Variants in SLX4 observed in about 807,000 individuals in gnomAD.
SLX4 encodes the protein SLX4 structure-specific endonuclease subunit, also known as structure-specific endonuclease subunit SLX4.
In SLX4, 112 loss-of-function variants were observed where a neutral mutation model predicts 146.2. The ratio of observed to expected loss-of-function variants is 0.77; its 90% CI spans 0.66 to 0.90. The LOEUF is 0.90. Ranked by LOEUF, SLX4 falls within the 40% of genes least tolerant of loss-of-function variation. The pLI is 0.00. For synonymous variants in SLX4, 1,061 were observed against 997.7 expected, an observed-to-expected ratio of 1.06 and a Z score of -1.20; for missense variants, 2,563 against 2,392.7, an observed-to-expected ratio of 1.07 and a Z score of -1.49.
chr16:3,603,912 A>T (rs2040755713), intron 3 of SLX4, among the ~76,000 whole-genome samples: 1 of 152,146 alleles, frequency 6.6e-6, no homozygotes, highest in African/African-American at 2.4e-5. Flanking sequence ...CTTATAATAC[A>T]ATTAGCCTAG....
intron 1 of SLX4, 23 bp from the exon 2 acceptor site, chr16:3,609,589 A>ATTTT (rs1273333080): frequency 6.5e-6 from 1 of 153,126 alleles, no homozygotes; most frequent in African/African-American, 2.4e-5. Context: ...AAAAGCATGT[A>ATTTT]AGTGTAATCA....
In SLX4 at chr16:3,598,891, T is replaced by C. The variant is rs566040454; in HGVS notation, c.1164-892A>G. ...TCCCCAGCAGGCCAGGTTTGGGCTG[T>C]GGGGAAAGAATATGAGGCACTCTGG... is the stretch of plus-strand genomic sequence containing the variant. On this transcript the variant is annotated intron_variant, in intron 5 of 14. Transcript: ENST00000294008. 2.3e-4 allele frequency among the ~76,000 whole-genome samples: 35 copies of C among 152,152 alleles called. No homozygotes were observed. The South Asian group carries it at 4.6e-3, about 20-fold the overall frequency.
At position 3,602,096 on chromosome 16, in the gene SLX4, C is replaced by CGA. The variant is rs767541495; in HGVS notation, c.950+20_950+21dup. The CGA allele has an allele frequency of 6.2e-6, 10 of 1,613,740 alleles. No homozygotes were observed. The Admixed American group carries it at 1.7e-4, about 27-fold the overall frequency. On this transcript the variant is annotated intron_variant, in intron 4 of 14. Transcript: ENST00000294008. Reference sequence around the variant, plus strand: ...ATTCTGGTCACATACACGGGAGAGGCGACGGCCCAAGCTGCCCCCACCTGT... The same window carrying CGA: ...ATTCTGGTCACATACACGGGAGAGGCGAGACGGCCCAAGCTGCCCCCACCTGT...
At chr16:3,584,095 A>G (rs1050098011) in intron 13 of SLX4, among the ~76,000 whole-genome samples, 1 of 152,044 alleles carries the variant, frequency 6.6e-6, no homozygotes, top group African/African-American at 2.4e-5. Context: ...GAGCAGTGTC[A>G]TGTGGATGTG....
At position 3,584,156 on chromosome 16, in the gene SLX4, C is replaced by A. The variant is rs142141413; in HGVS notation, c.4739+613G>T. ...ATCAGGCCTCCGCCGGGCACAGTGG[C>A]TCACGCCTGTAATCCCAGCATTTTG... On this transcript the variant is annotated intron_variant, in intron 13 of 14. Transcript: ENST00000294008. Among the ~76,000 whole-genome samples, 247 of 152,354 alleles carry A rather than the reference C, an allele frequency of 1.6e-3. 1 individual carries two copies. The highest frequency in any genetic ancestry group is 2.6e-3 in the Non-Finnish European group (176 of 68,042).
Position 3,589,211 on chromosome 16 carries a change from G to A in SLX4, c.4427C>T (p.Thr1476Ile), listed in dbSNP as rs372321470. ...GGTAGTGCAGCTTCCTCGGATGGGG[G>A]TGGTGTCCAGGAGTCCCGGGGAGCG... ...DCRSPGLLDT[T>I]PIRGSCTTQR... The change falls in exon 12 of 15, where the codon ACC becomes ATC. Residue 1476 changes from threonine to isoleucine, a missense_variant. Transcript: ENST00000294008. The surrounding 1 kb of genome is among the most constrained non-coding windows in gnomAD (Gnocchi z 6.2). 1 of 1,613,888 alleles carries A rather than the reference G, an allele frequency of 6.2e-7. No homozygotes were observed. Among genetic ancestry groups the A allele is most frequent in the East Asian group, 2.2e-5 (1 of 44,870 alleles).
intron 9 of SLX4, 46 bp from the exon 10 acceptor site, chr16:3,594,645 C>T (rs762453502): frequency 6.2e-7 from 1 of 1,613,210 alleles, no homozygotes; most frequent in East Asian, 2.2e-5. Context: ...CACCTCTGCT[C>T]TGCTAACTGG....
At position 3,597,372 on chromosome 16, in the gene SLX4, G is replaced by T; in HGVS notation, c.1683+7C>A. 6.5e-7 allele frequency: 1 copy of T among 1,545,822 alleles called. No individual in the cohort carries two copies. The highest frequency in any genetic ancestry group is 8.7e-7 in the Non-Finnish European group (1 of 1,143,882). ...GCCTATCCATGTGCCTGAGGGGAGG[G>T]ACTCACCTGGGCAGGCCGCTGGGGC... On this transcript the variant is annotated splice_region_variant and intron_variant, in intron 7 of 14. Transcript: ENST00000294008. The surrounding 1 kb of genome is among the most constrained non-coding windows in gnomAD (Gnocchi z 4.4).
At chr16:3,588,264 A>G (rs2040530627) in intron 12 of SLX4, among the ~76,000 whole-genome samples, 1 of 152,162 alleles carries the variant, frequency 6.6e-6, no homozygotes, top group African/African-American at 2.4e-5. Context: ...CAGGCCAACC[A>G]CTAACCTGCA....
rs1022744646 is a variant in SLX4, at chr16:3,597,037, G to A, written c.1683+342C>T. On this transcript the variant is annotated intron_variant, in intron 7 of 14. Coordinates refer to ENST00000294008, the MANE Select transcript of SLX4 (RefSeq NM_032444.4). The surrounding 1 kb of genome is among the most constrained non-coding windows in gnomAD (Gnocchi z 4.4). ...GGGGTTTCACCATATTAGCCAGGCT[G>A]GTCTCGAACTCCTGACCTCGTGATC... 6.6e-6 allele frequency among the ~76,000 whole-genome samples: 1 copy of A among 152,120 alleles called. No individual in the cohort carries two copies. Among genetic ancestry groups the A allele is most frequent in the African/African-American group, 2.4e-5 (1 of 41,408 alleles).
intron 2 of SLX4, among the ~76,000 whole-genome samples, chr16:3,606,944 G>A (rs2040792529): frequency 6.6e-6 from 1 of 152,190 alleles, no homozygotes; most frequent in Admixed American, 6.5e-5. Context: ...TTATTTTTAG[G>A]ATGATAAAAC....
Position 3,595,685 on chromosome 16 carries a change from C to T in SLX4, c.1933G>A (p.Val645Met), listed in dbSNP as rs769084265. The T allele has an allele frequency of 1.5e-5, 25 of 1,613,988 alleles. No homozygotes were observed. Among genetic ancestry groups the T allele is most frequent in the Non-Finnish European group, 1.9e-5 (23 of 1,180,044 alleles). The stretch of plus-strand genomic sequence containing the variant: ...GTCAGAGGAAGGCCGCCGGGCACCA[C>T]GTCCAACCCTGAGTGGAGGATTCAC... ...AGSEGTAGLDVVPGGLPLTGF... is the reference protein window; with the variant it reads ...AGSEGTAGLDMVPGGLPLTGF... Residue 645 changes from valine to methionine, a missense_variant, in exon 9 of 15, where the codon GTG becomes ATG. Transcript: ENST00000294008.
intron 4 of SLX4, chr16:3,601,483 AC>A (rs1596530134): frequency 4.4e-6 from 2 of 458,952 alleles, no homozygotes; most frequent in East Asian, 8.7e-5. Context: ...AGGTACCCAA[AC>A]AAATACATGA....
Position 3,590,766 on chromosome 16 carries a change from A to G in SLX4, c.2872T>C (p.Cys958Arg). 1 of 1,614,086 alleles carries G rather than the reference A, an allele frequency of 6.2e-7. No homozygotes were observed. Among genetic ancestry groups the G allele is most frequent in the Non-Finnish European group, 8.5e-7 (1 of 1,180,020 alleles). Reference sequence around the variant, plus strand: ...TGGCAGTCCCTGGAAGGGCTGGAGCAGCTGGAATGGCCAAGCGCCTCCTCT... The same window carrying G: ...TGGCAGTCCCTGGAAGGGCTGGAGCGGCTGGAATGGCCAAGCGCCTCCTCT... Reference protein sequence around the residue: ...APEEALGHSSCSSPSRDCQAE... With the variant: ...APEEALGHSSRSSPSRDCQAE... The change falls in exon 12 of 15, where the codon TGC (cysteine) becomes CGC (arginine). Residue 958 changes from cysteine (C) to arginine (R), a missense_variant. Physicochemically the swap from Cys to Arg is radical, Grantham distance 180. Transcript: ENST00000294008. The surrounding 1 kb of genome is among the most constrained non-coding windows in gnomAD (Gnocchi z 4.8).
intron 5 of SLX4, among the ~76,000 whole-genome samples, chr16:3,598,325 T>A (rs1013399009): frequency 1.3e-5 from 2 of 152,246 alleles, no homozygotes; most frequent in African/African-American, 4.8e-5. Context: ...TCGATGGCTC[T>A]GAGCAGGCTC....
At chr16:3,599,977 C>G (rs756673747) in intron 5 of SLX4, among the ~76,000 whole-genome samples, 1 of 152,154 alleles carries the variant, frequency 6.6e-6, no homozygotes, top group African/African-American at 2.4e-5. Context: ...TGTCCAACAA[C>G]GAAATGGATG....
At chr16:3,600,878 G>T in intron 5 of SLX4, 101 bp downstream of exon 5, 2 of 1,291,238 alleles carry the variant, frequency 1.5e-6, no homozygotes, top group South Asian at 1.3e-5. Flanking sequence ...TTACAGGTGT[G>T]AACTACTGCG....
At position 3,582,633 on chromosome 16, in the gene SLX4, C is replaced by T. The variant is rs369714623; in HGVS notation, c.5214G>A (p.Gly1738=). ...FESAGEEEGE[G]EVSASQAAVQ... ...CGGCTGCCTGCGAGGCACTGACCTC[C>T]CCCTCGCCCTCCTCTTCACCTGCAG... Residue 1738 remains glycine, a synonymous_variant, in exon 15 of 15, where the codon GGG becomes GGA. Coordinates refer to ENST00000294008, the MANE Select transcript of SLX4 (RefSeq NM_032444.4). 8 of 1,613,416 alleles carry T rather than the reference C, an allele frequency of 5.0e-6. No individual in the cohort carries two copies. The African/African-American group carries it at 5.3e-5, about 11-fold the overall frequency.
intron 13 of SLX4, among the ~76,000 whole-genome samples, chr16:3,584,383 T>C (rs1035960623): frequency 6.6e-6 from 1 of 152,014 alleles, no homozygotes; most frequent in Non-Finnish European, 1.5e-5. Flanking sequence ...ACTGCGCCAC[T>C]GCACTCCAGC....
Sources: allele counts gnomAD v4.1 joint callset (sites outside exome capture counted in the v4.1 genomes callset), GRCh38; gene constraint gnomAD v4.1.1; non-coding constraint Gnocchi (gnomAD v3.1); transcripts MANE v1.5; gene names NCBI Gene and HGNC (gene_info 2026-07-23, HGNC 2026-07-21).